The following CLDN10 variants were observed in gnomAD, a reference collection of about 807,000 sequenced individuals.
The protein encoded by CLDN10 is claudin 10, also known as claudin-10.
CLDN10 carries 15 observed loss-of-function variants against 22.9 expected under a neutral mutation model. That is an observed-to-expected ratio of 0.65 (90% confidence interval 0.44 to 1.01). The LOEUF is 1.01. Among genes scored for constraint, CLDN10 ranks in the 50% least tolerant of loss-of-function variants. CLDN10 has a pLI of 0.00. For missense variants in CLDN10, 247 were observed against 287.8 expected (o/e 0.86, Z 1.03); for synonymous variants, 114 against 111.4 (o/e 1.02, Z -0.15).
chr13:95,512,108 A>C (rs1461435416), intron 1 of CLDN10, among the ~76,000 whole-genome samples: 1 of 105,314 alleles, frequency 9.5e-6, no homozygotes, highest in African/African-American at 3.2e-5. Context: ...ATCTCAGACA[A>C]AGATCGTCTC....
Position 95,538,074 on chromosome 13 carries a change from A to G in CLDN10, c.215-22058A>G, listed in dbSNP as rs183001320. On this transcript the variant is annotated intron_variant, in intron 1 of 4. Transcript: ENST00000376873. ...TGCAGAAATTTTTGGTAGAGAACCA[A>G]CATGACAACAAGAGCCAAGCATTAT... Among the ~76,000 whole-genome samples the G allele has an allele frequency of 7.5e-4, 114 of 151,884 alleles. 3 individuals are homozygous for G. The highest frequency in any genetic ancestry group is 6.6e-3 in the Admixed American group (101 of 15,256).
rs1301187341 is a variant in CLDN10 at position 95,511,989 on chromosome 13, TC to T, written c.215-48135del. On this transcript the variant is annotated intron_variant, in intron 1 of 4. Transcript: ENST00000376873. ...ACATTAGGTATATCTCCTAATGCTA[TC>T]CCCCCCCTCTCCCCCCACCCCACAA... Among the ~76,000 whole-genome samples, 18 of 132,798 alleles carry T rather than the reference TC, an allele frequency of 1.4e-4. 1 individual carries two copies. The highest frequency in any genetic ancestry group is 1.0e-3 in the Admixed American group (13 of 12,858). 87.1% of individuals were successfully genotyped at this position (132,798 alleles called of 152,430 possible).
intron 1 of CLDN10, among the ~76,000 whole-genome samples, chr13:95,507,493 G>T (rs755942843): frequency 2.0e-5 from 3 of 152,080 alleles, no homozygotes; most frequent in Non-Finnish European, 4.4e-5. Flanking sequence ...TGATTATAAA[G>T]ACGATGTGGG....
At chr13:95,577,161 C>CT in intron 3 of CLDN10, 70 bp from the exon 4 acceptor site, 1 of 958,958 alleles carries the variant, frequency 1.0e-6, no homozygotes, top group Non-Finnish European at 1.6e-6. Context: ...TAAATGTTGA[C>CT]TATCAGTGTT....
intron 1 of CLDN10, among the ~76,000 whole-genome samples, chr13:95,435,921 G>A (rs2050707): frequency 0.057 from 8,558 of 151,228 alleles, 281 homozygotes; most frequent in Middle Eastern, 0.068. Context: ...CTCTCAAAAT[G>A]CTGAGATTAT....
At position 95,531,484 on chromosome 13, in the gene CLDN10, T is replaced by C. The variant is rs185560395; in HGVS notation, c.215-28648T>C. On this transcript the variant is annotated intron_variant, in intron 1 of 4. Transcript: ENST00000376873. ...TTAAACTCTTATCCAGATTACAGGA[T>C]GTAAAATTTAAATTAAAAGAAGGAA... 6.6e-5 allele frequency among the ~76,000 whole-genome samples: 10 copies of C among 152,260 alleles called. No homozygotes were observed. In the East Asian group the frequency reaches 1.9e-3, roughly 29 times the overall value.
At chr13:95,550,395 C>T (rs1044336689), upstream of CLDN10, among the ~76,000 whole-genome samples, 23 of 152,280 alleles carry the variant, frequency 1.5e-4, no homozygotes, top group African/African-American at 4.6e-4. Context: ...TTAAAGGTCA[C>T]AGCACTACAC....
intron 1 of CLDN10, among the ~76,000 whole-genome samples, chr13:95,452,043 G>T (rs1025578648): frequency 6.6e-6 from 1 of 152,124 alleles, no homozygotes; most frequent in Non-Finnish European, 1.5e-5. Flanking sequence ...TATCTCTAAG[G>T]TTCAAACACC....
intron 1 of CLDN10, among the ~76,000 whole-genome samples, chr13:95,449,270 G>A (rs1051683305): frequency 2.6e-5 from 4 of 151,328 alleles, no homozygotes; most frequent in African/African-American, 7.3e-5. Flanking sequence ...ATTTTTTTTC[G>A]AAACAGAATC....
intron 1 of CLDN10, among the ~76,000 whole-genome samples, chr13:95,514,696 G>A (rs1012128057): frequency 6.6e-6 from 1 of 152,136 alleles, no homozygotes; most frequent in African/African-American, 2.4e-5. Context: ...GGGAACATGG[G>A]GCTTTGTGGG....
intron 1 of CLDN10, among the ~76,000 whole-genome samples, chr13:95,533,414 A>T (rs1430438866): frequency 6.6e-6 from 1 of 152,208 alleles, no homozygotes; most frequent in Non-Finnish European, 1.5e-5. Flanking sequence ...GTAGATTTTT[A>T]GAAGAAAGAA....
chr13:95,520,456 C>A (rs1337173228), intron 1 of CLDN10, among the ~76,000 whole-genome samples: 1 of 152,132 alleles, frequency 6.6e-6, no homozygotes, highest in Non-Finnish European at 1.5e-5. Context: ...TCACTGCAAC[C>A]TCTGCCTCCT....
At chr13:95,514,752 C>T (rs1264424784) in intron 1 of CLDN10, among the ~76,000 whole-genome samples, 1 of 152,036 alleles carries the variant, frequency 6.6e-6, no homozygotes, top group East Asian at 1.9e-4. Flanking sequence ...ATGGAAAGCC[C>T]TTTAAGGGGT....
intron 3 of CLDN10, among the ~76,000 whole-genome samples, chr13:95,566,089 T>C (rs1342592936): frequency 1.3e-5 from 2 of 152,216 alleles, no homozygotes; most frequent in African/African-American, 2.4e-5. Context: ...TAAACATACA[T>C]GTGCATGTGT....
upstream of CLDN10, among the ~76,000 whole-genome samples, chr13:95,552,504 C>CG (rs1367029835): frequency 1.3e-5 from 2 of 151,830 alleles, no homozygotes; most frequent in Admixed American, 1.3e-4. Flanking sequence ...GCCTTCCTCC[C>CG]GCACGCGGGC....
At chr13:95,434,144 A>C in intron 1 of CLDN10, 1 of 1,055,768 alleles carries the variant, frequency 9.5e-7, no homozygotes, top group Non-Finnish European at 1.4e-6. Flanking sequence ...AACTCTCTGA[A>C]GACTGAGTGC....
chr13:95,465,268 A>T (rs577258530), intron 1 of CLDN10, among the ~76,000 whole-genome samples: 23 of 152,204 alleles, frequency 1.5e-4, no homozygotes, highest in African/African-American at 4.6e-4. Context: ...TGATTCAATT[A>T]TCTCCCACTG....
chr13:95,439,567 CA>C (rs1301413860), intron 1 of CLDN10, among the ~76,000 whole-genome samples: 1 of 152,122 alleles, frequency 6.6e-6, no homozygotes, highest in Non-Finnish European at 1.5e-5. Flanking sequence ...ATCCTGTCCT[CA>C]AGTGATCTGC....
chr13:95,473,479 G>T (rs767023983), intron 1 of CLDN10, among the ~76,000 whole-genome samples: 1 of 152,232 alleles, frequency 6.6e-6, no homozygotes, highest in Non-Finnish European at 1.5e-5. Context: ...TGATGAGGAT[G>T]GGGGGCCAGG....
Sources: allele counts gnomAD v4.1 joint callset (sites outside exome capture counted in the v4.1 genomes callset), GRCh38; gene constraint gnomAD v4.1.1; transcripts MANE v1.5; gene names NCBI Gene and HGNC (gene_info 2026-07-23, HGNC 2026-07-21).